The following LMF1 variants were observed in gnomAD, a reference collection of about 807,000 sequenced individuals.
The protein encoded by LMF1 is lipase maturation factor 1.
In LMF1, 68 loss-of-function variants were observed where a neutral mutation model predicts 60.6. The ratio of observed to expected loss-of-function variants is 1.12; its 90% CI spans 0.92 to 1.37. The LOEUF is 1.37. Ranked by LOEUF, LMF1 falls within the 40% of genes most tolerant of loss-of-function variation. The pLI is 0.00. For synonymous variants in LMF1, 418 were observed against 324.7 expected, an observed-to-expected ratio of 1.29 and a Z score of -3.09; for missense variants, 948 against 767.2, an observed-to-expected ratio of 1.24 and a Z score of -2.78.
chr16:947,122 C>G (rs2072256095), intron 2 of LMF1, among the ~76,000 whole-genome samples: 1 of 152,246 alleles, frequency 6.6e-6, no homozygotes, highest in Non-Finnish European at 1.5e-5. Flanking sequence ...ACGACCATGA[C>G]CCGGCTGACA....
intron 1 of LMF1, chr16:979,190 C>T (rs998164312): frequency 6.0e-5 from 26 of 430,552 alleles, no homozygotes; most frequent in Admixed American, 2.9e-4. Flanking sequence ...AGCTCCGTCC[C>T]GGCGTCCTCT....
At position 968,372 on chromosome 16, in the gene LMF1, G is replaced by A. The variant is rs201148455; in HGVS notation, c.193+2416C>T. ...TCTTTTAACAAGGGGAGTTTCCACAGAATACATTTGGTTATGTGTTTAATT... is the reference window on the plus strand; with the variant it reads ...TCTTTTAACAAGGGGAGTTTCCACAAAATACATTTGGTTATGTGTTTAATT... On this transcript the variant is annotated intron_variant, in intron 1 of 10. Coordinates refer to ENST00000262301, the MANE Select transcript of LMF1 (RefSeq NM_022773.4). 4 of 152,358 alleles carry A rather than the reference G, an allele frequency of 2.6e-5. No homozygotes were observed. In the East Asian group the frequency reaches 7.7e-4, roughly 29 times the overall value. 9.4% of individuals were successfully genotyped at this position (152,358 alleles called of 1,614,324 possible).
At chr16:932,377 C>A (rs372578041) in intron 3 of LMF1, among the ~76,000 whole-genome samples, 22 of 152,328 alleles carry the variant, frequency 1.4e-4, no homozygotes, top group Admixed American at 1.3e-4. Flanking sequence ...GAGCCTGCCC[C>A]GGCCTGCCCG....
In LMF1 at chr16:951,663, C is replaced by T. The variant is rs188689109; in HGVS notation, c.503+2694G>A. Among the ~76,000 whole-genome samples the T allele has an allele frequency of 1.3e-4, 20 of 152,362 alleles. No individual in the cohort carries two copies. The East Asian group carries it at 2.3e-3, about 18-fold the overall frequency. ...TGCAAGTCCACGCTGCGACAAACCACGCTCAGGTGAACGATAAATGGGGAG... is the reference window on the plus strand; with the variant it reads ...TGCAAGTCCACGCTGCGACAAACCATGCTCAGGTGAACGATAAATGGGGAG... On this transcript the variant is annotated intron_variant, in intron 2 of 10. Transcript: ENST00000262301.
chr16:892,712 C>T lies in LMF1; in HGVS notation c.729+295G>A, dbSNP rs192294043. Among the ~76,000 whole-genome samples the T allele has an allele frequency of 1.4e-3, 216 of 152,350 alleles. 2 individuals are homozygous for T. Among genetic ancestry groups the T allele is most frequent in the Admixed American group, 0.01 (157 of 15,312 alleles). ...GCTGTGGACTCCAGGAAGGAGGGGC[C>T]GGCCCGGAGGCCTGGGCAGGACCAA... On this transcript the variant is annotated intron_variant, in intron 5 of 10. Coordinates refer to ENST00000262301, the MANE Select transcript of LMF1 (RefSeq NM_022773.4).
chr16:874,073 G>T lies in LMF1; in HGVS notation c.898-2732C>A, dbSNP rs1222527374. 6.6e-6 allele frequency among the ~76,000 whole-genome samples: 1 copy of T among 152,226 alleles called. No individual in the cohort carries two copies. The highest frequency in any genetic ancestry group is 1.5e-5 in the Non-Finnish European group (1 of 68,036). On this transcript the variant is annotated intron_variant, in intron 6 of 10. Transcript: ENST00000262301. This position sits in a 1 kb window ranked among gnomAD's most constrained non-coding sequence, Gnocchi z 4.1. ...TGAGGGTCTCCTTTGCCGGGTGTGG[G>T]GGGGGTATGGGAAGTTCTGGAACCA...
At chr16:936,743 A>G (rs1311475789) in intron 2 of LMF1, among the ~76,000 whole-genome samples, 1 of 152,254 alleles carries the variant, frequency 6.6e-6, no homozygotes. Context: ...TTCCCAATAT[A>G]TAACCTTAGT....
chr16:898,402 C>A (rs906241747), intron 4 of LMF1, among the ~76,000 whole-genome samples: 1 of 152,238 alleles, frequency 6.6e-6, no homozygotes, highest in Non-Finnish European at 1.5e-5. Flanking sequence ...CCAATGCCAG[C>A]CGGGAGAGCC....
intron 4 of LMF1, among the ~76,000 whole-genome samples, chr16:896,985 C>G (rs1470461621): frequency 1.3e-5 from 2 of 151,374 alleles, no homozygotes; most frequent in African/African-American, 4.9e-5. Context: ...CTTTTCAGCC[C>G]AAAATTAATT....
At chr16:861,060 G>A (rs955552173) in intron 10 of LMF1, among the ~76,000 whole-genome samples, 5 of 151,964 alleles carry the variant, frequency 3.3e-5, no homozygotes, top group African/African-American at 1.2e-4. Flanking sequence ...CCATCAATCT[G>A]GAAGGACCTG....
In LMF1 at chr16:954,380, G is replaced by T; in HGVS notation, c.480C>A (p.Ser160=). The T allele has an allele frequency of 3.7e-6, 6 of 1,612,572 alleles. No individual in the cohort carries two copies. The highest frequency in any genetic ancestry group is 5.1e-6 in the Non-Finnish European group (6 of 1,179,670). Residue 160 remains serine (S), a synonymous_variant, in exon 2 of 11, where the codon TCC becomes TCA. Transcript: ENST00000262301. ...LMAALWGLYM[S]LVNVGHVWYS... is the part of the protein sequence containing the mutation. ...ACCAGACATGGCCCACATTAACCAG[G>T]GACATGTAGAGGCCCCACAGGGCAG... is the stretch of plus-strand genomic sequence containing the variant.
chr16:918,220 G>A (rs1285902527), intron 3 of LMF1, among the ~76,000 whole-genome samples: 2 of 152,196 alleles, frequency 1.3e-5, no homozygotes, highest in Non-Finnish European at 2.9e-5. Context: ...GTCCGTGGGC[G>A]CTGCCGAGAA....
intron 1 of LMF1, chr16:963,978 C>T: frequency 4.4e-6 from 2 of 450,910 alleles, no homozygotes; most frequent in South Asian, 3.1e-5. Context: ...AAGGCCCCGT[C>T]ACTACCCCAC....
chr16:875,527 C>G (rs907511351), intron 6 of LMF1, among the ~76,000 whole-genome samples: 1 of 152,172 alleles, frequency 6.6e-6, no homozygotes, highest in African/African-American at 2.4e-5. Context: ...CAGCACCTTG[C>G]TTTTCATGAG....
In LMF1 at chr16:874,851, C is replaced by T. The variant is rs113596570; in HGVS notation, c.898-3510G>A. ...GGGGAGTACGCAGCCCCAGCCAGGA[C>T]ACTACAATGTTAGAGGGCGCGGGTC... On this transcript the variant is annotated intron_variant, in intron 6 of 10. Transcript: ENST00000262301. This position sits in a 1 kb window ranked among gnomAD's most constrained non-coding sequence, Gnocchi z 4.1. Among the ~76,000 whole-genome samples the T allele has an allele frequency of 2.7e-3, 411 of 152,138 alleles. 2 individuals are homozygous for T. The highest frequency in any genetic ancestry group is 9.4e-3 in the African/African-American group (391 of 41,444).
chr16:908,821 C>T (rs761777438), intron 4 of LMF1, among the ~76,000 whole-genome samples: 3 of 152,260 alleles, frequency 2.0e-5, no homozygotes, highest in Middle Eastern at 3.2e-3. Flanking sequence ...CCCCGGTGCC[C>T]GCCATCCACA....
intron 10 of LMF1, among the ~76,000 whole-genome samples, chr16:868,020 C>T (rs980452117): frequency 2.6e-5 from 4 of 152,144 alleles, no homozygotes; most frequent in South Asian, 4.1e-4. Context: ...CTGTGTTTTC[C>T]GTCAGAATCG....
In LMF1 at chr16:952,329, G is replaced by A. The variant is rs756754300; in HGVS notation, c.503+2028C>T. 1.6e-3 allele frequency among the ~76,000 whole-genome samples: 241 copies of A among 146,322 alleles called. 1 individual carries two copies. The highest frequency in any genetic ancestry group is 2.8e-3 in the Non-Finnish European group (183 of 66,488). ...GGGGACCCCCCCCCACAGGTGCCCT[G>A]ATGCCAGCTGCAGCCCTCCCTGCAT... On this transcript the variant is annotated intron_variant, in intron 2 of 10. Transcript: ENST00000262301.
In LMF1 at chr16:898,721, C is replaced by T. The variant is rs144335860; in HGVS notation, c.664-5649G>A. Among the ~76,000 whole-genome samples, 1,042 of 152,310 alleles carry T rather than the reference C, an allele frequency of 6.8e-3. 17 individuals carry two copies. Among genetic ancestry groups the T allele is most frequent in the African/African-American group, 0.024 (989 of 41,564 alleles). ...CACAGGTCTGCTGTAGACTCTCAGC[C>T]GCCTATCTCTCTGACGGGATTGGTT... On this transcript the variant is annotated intron_variant, in intron 4 of 10. Transcript: ENST00000262301.
Sources: allele counts gnomAD v4.1 joint callset (sites outside exome capture counted in the v4.1 genomes callset), GRCh38; gene constraint gnomAD v4.1.1; non-coding constraint Gnocchi (gnomAD v3.1); transcripts MANE v1.5; gene names NCBI Gene and HGNC (gene_info 2026-07-23, HGNC 2026-07-21).